Variants in CCDC171 observed in about 807,000 individuals in gnomAD.
CCDC171 encodes the protein coiled-coil domain-containing protein 171.
In CCDC171, 177 loss-of-function variants were observed where a neutral mutation model predicts 168.2. That is an observed-to-expected ratio of 1.05 (90% confidence interval 0.93 to 1.19). The LOEUF is 1.19. Ranked by LOEUF, CCDC171 falls within the 50% of genes most tolerant of loss-of-function variation. CCDC171 has a pLI of 0.00. For synonymous variants in CCDC171, 687 were observed against 540.8 expected (o/e 1.27, Z -3.75); for missense variants, 1,991 against 1,539.0 (o/e 1.29, Z -4.91).
At chr9:15,635,215 A>T (rs1047120414) in intron 7 of CCDC171, among the ~76,000 whole-genome samples, 1 of 152,320 alleles carries the variant, frequency 6.6e-6, no homozygotes, top group East Asian at 1.9e-4. Context: ...CGAAGTCTCA[A>T]AATCTCAAAA....
In CCDC171 at chr9:15,971,535, C is replaced by T. The variant is rs1036649923; in HGVS notation, c.3754-74C>T. On this transcript the variant is annotated intron_variant, in intron 25 of 25. Coordinates refer to ENST00000380701, the MANE Select transcript of CCDC171 (RefSeq NM_173550.4). ...TTATAATGATTATTAGTCTACTTGC[C>T]TGTTTATGGTTTTAGGCTCTATTTG... 5.6e-6 allele frequency: 5 copies of T among 885,296 alleles called. No homozygotes were observed. The African/African-American group carries it at 8.4e-5, about 15-fold the overall frequency. The allele number at this position is 885,296 out of a possible 1,614,324, so 54.8% of individuals were successfully genotyped here. A position where few individuals can be genotyped will look rare whatever the true frequency, so the allele number is the denominator to read the frequency against.
chr9:15,761,701 G>A (rs1256142943), intron 18 of CCDC171, among the ~76,000 whole-genome samples: 2 of 152,040 alleles, frequency 1.3e-5, no homozygotes, highest in Admixed American at 6.6e-5. Flanking sequence ...TATCTGGAAC[G>A]GAAACAAGCA....
At chr9:15,801,626 G>C (rs569984309) in intron 21 of CCDC171, among the ~76,000 whole-genome samples, 17 of 151,956 alleles carry the variant, frequency 1.1e-4, no homozygotes, top group Admixed American at 2.6e-4. Flanking sequence ...TTGTTTGATT[G>C]CTCGAGCTAG....
chr9:15,845,483 C>G (rs1383759658), intron 21 of CCDC171, among the ~76,000 whole-genome samples: 1 of 152,038 alleles, frequency 6.6e-6, no homozygotes, highest in East Asian at 1.9e-4. Context: ...TGCAGTTCAC[C>G]AGCATTTAGA....
chr9:15,971,639 A>T lies in CCDC171; in HGVS notation c.3784A>T (p.Ile1262Phe). 6.2e-7 allele frequency: 1 copy of T among 1,613,484 alleles called. No homozygotes were observed. Among genetic ancestry groups the T allele is most frequent in the Non-Finnish European group, 8.5e-7 (1 of 1,179,748 alleles). ...IGSRDHSNLS[I>F]PSRAPLPADT... ...ATCACGAGACCATTCAAATCTCTCC[A>T]TTCCTTCAAGAGCTCCTCTTCCTGC... The change falls in exon 26 of 26, where the codon ATT becomes TTT. Residue 1262 changes from isoleucine to phenylalanine, a missense_variant. Transcript: ENST00000380701.
chr9:15,556,337 C>G (rs965768604), intron 1 of CCDC171, among the ~76,000 whole-genome samples: 8 of 152,138 alleles, frequency 5.3e-5, no homozygotes, highest in Admixed American at 1.3e-4. Flanking sequence ...AATGGTTGAA[C>G]TAGTTTACAG....
intron 24 of CCDC171, among the ~76,000 whole-genome samples, chr9:15,895,210 T>C (rs987961385): frequency 6.6e-6 from 1 of 152,128 alleles, no homozygotes; most frequent in African/African-American, 2.4e-5. Flanking sequence ...AAGTAAGAGA[T>C]TATGTATGCC....
the CCDC171 span, among the ~76,000 whole-genome samples, chr9:16,074,745 G>A: frequency 6.6e-6 from 1 of 152,158 alleles, no homozygotes; most frequent in East Asian, 1.9e-4. Flanking sequence ...AAGTAAGAGA[G>A]TAAAGGCATA....
chr9:15,741,175 C>T (rs1157776419), intron 16 of CCDC171, among the ~76,000 whole-genome samples: 1 of 152,100 alleles, frequency 6.6e-6, no homozygotes, highest in Non-Finnish European at 1.5e-5. Flanking sequence ...TTAAAGTATA[C>T]AGTTCAGTGG....
At chr9:15,733,509 A>C (rs2054284938) in intron 16 of CCDC171, among the ~76,000 whole-genome samples, 2 of 144,940 alleles carry the variant, frequency 1.4e-5, no homozygotes, top group Admixed American at 7.0e-5. Context: ...ATTCATGTCC[A>C]TTCCAGTAAC....
chr9:15,598,089 CA>C (rs2042520648), intron 6 of CCDC171, among the ~76,000 whole-genome samples: 1 of 151,966 alleles, frequency 6.6e-6, no homozygotes, highest in African/African-American at 2.4e-5. Flanking sequence ...TTGATCTTTT[CA>C]AAAAACCACC....
chr9:15,763,338 T>A (rs1246228206), intron 18 of CCDC171, among the ~76,000 whole-genome samples: 3 of 152,210 alleles, frequency 2.0e-5, no homozygotes, highest in African/African-American at 7.2e-5. Context: ...ATTGAATGGA[T>A]CATGCTCCAC....
At chr9:15,593,860 CAT>C (rs1438646189) in intron 5 of CCDC171, among the ~76,000 whole-genome samples, 179 bp from the exon 6 acceptor site, 13 of 151,590 alleles carry the variant, frequency 8.6e-5, no homozygotes, top group African/African-American at 2.9e-4. Context: ...TTTAAATAAA[CAT>C]AGTTTCTCAG....
chr9:15,643,077 T>G (rs2046768534), intron 7 of CCDC171, among the ~76,000 whole-genome samples: 1 of 152,144 alleles, frequency 6.6e-6, no homozygotes, highest in Non-Finnish European at 1.5e-5. Context: ...TAAAAAAATT[T>G]ATTTCCATAG....
intron 10 of CCDC171, among the ~76,000 whole-genome samples, chr9:15,684,206 A>G (rs2050229258): frequency 6.6e-6 from 1 of 152,094 alleles, no homozygotes; most frequent in Non-Finnish European, 1.5e-5. Flanking sequence ...TTTACTTAGA[A>G]TTTCTTCATA....
intron 8 of CCDC171, among the ~76,000 whole-genome samples, chr9:15,658,195 G>C (rs1195097922): frequency 6.6e-6 from 1 of 152,198 alleles, no homozygotes; most frequent in Non-Finnish European, 1.5e-5. Flanking sequence ...GAAAAGTTTG[G>C]AGATAATGGT....
chr9:15,736,815 A>G (rs1003408083), intron 16 of CCDC171, among the ~76,000 whole-genome samples: 2 of 152,096 alleles, frequency 1.3e-5, no homozygotes, highest in Middle Eastern at 3.4e-3. Context: ...AGCTGAGACT[A>G]TAGGCATGCA....
At chr9:15,881,234 G>A (rs1013174250) in intron 24 of CCDC171, among the ~76,000 whole-genome samples, 13 of 152,116 alleles carry the variant, frequency 8.5e-5, no homozygotes, top group Non-Finnish European at 1.8e-4. Context: ...AATTTCCTGA[G>A]TAGAGCCCTA....
intron 3 of CCDC171, among the ~76,000 whole-genome samples, chr9:15,573,349 C>A (rs2040385082): frequency 6.6e-6 from 1 of 152,064 alleles, no homozygotes; most frequent in South Asian, 2.1e-4. Context: ...GATCTCGGCT[C>A]ACTGCAACCA....
Sources: gnomAD v4.1 joint callset for allele counts (sites outside exome capture counted in the v4.1 genomes callset) on GRCh38, gnomAD v4.1.1 for gene constraint, MANE v1.5 for transcripts, NCBI Gene and HGNC (gene_info 2026-07-23, HGNC 2026-07-21) for gene names.